Variants in KDM4A observed in about 807,000 individuals in gnomAD.
KDM4A encodes lysine demethylase 4A, also known as lysine-specific demethylase 4A.
In KDM4A, 23 loss-of-function variants were observed where a neutral mutation model predicts 127.1. The observed-to-expected ratio is 0.18, with a 90% CI of 0.13 to 0.26. The LOEUF (loss-of-function observed/expected upper bound fraction) is 0.26, where lower values mean the gene tolerates loss of function less well. Among genes scored for constraint, KDM4A ranks in the 10% least tolerant of loss-of-function variants. The pLI, the probability that KDM4A is intolerant of heterozygous loss-of-function variation, is 1.00. For synonymous variants in KDM4A, 443 were observed against 466.5 expected (o/e 0.95, Z 0.65); for missense variants, 890 against 1,329.1 (o/e 0.67, Z 5.14).
rs770912180 is a variant in KDM4A, at chr1:43,666,967, C to T, written c.791C>T (p.Ala264Val). The change falls in exon 8 of 22, where the codon GCT becomes GTT. Residue 264 changes from alanine (A) to valine (V), a missense_variant. By Grantham distance (64) the Ala-to-Val change is moderately conservative (BLOSUM62 0). Coordinates refer to ENST00000372396, the MANE Select transcript of KDM4A (RefSeq NM_014663.3). The stretch of plus-strand genomic sequence containing the variant: ...GCTCTTGTTCAGGTGACTCAAGAGG[C>T]TGGAGAGTTTATGATCACTTTCCCT... Reference protein sequence around the residue: ...GIPFDKVTQEAGEFMITFPYG... With the variant: ...GIPFDKVTQEVGEFMITFPYG... 1.5e-5 allele frequency: 25 copies of T among 1,613,890 alleles called. No homozygotes were observed. Among genetic ancestry groups the T allele is most frequent in the Non-Finnish European group, 2.0e-5 (24 of 1,179,930 alleles).
chr1:43,666,379 G>C, intron 6 of KDM4A, 73 bp from the exon 7 acceptor site: 1 of 1,170,516 alleles, frequency 8.5e-7, no homozygotes, highest in Non-Finnish European at 1.3e-6. Flanking sequence ...GAGAAGCACA[G>C]GTGTGAAGTG....
chr1:43,674,857 T>G (rs368732896), intron 11 of KDM4A, among the ~76,000 whole-genome samples: 10 of 152,102 alleles, frequency 6.6e-5, no homozygotes, highest in African/African-American at 2.2e-4. Context: ...GCAAAGCATT[T>G]CCATGGAAGC....
chr1:43,670,704 C>T (rs1282283931), intron 10 of KDM4A, among the ~76,000 whole-genome samples: 2 of 152,012 alleles, frequency 1.3e-5, no homozygotes, highest in Non-Finnish European at 2.9e-5. Context: ...GCTGGGACTA[C>T]AGATGCTTGC....
intron 11 of KDM4A, among the ~76,000 whole-genome samples, chr1:43,676,659 AT>A (rs1356684606): frequency 1.3e-5 from 2 of 151,958 alleles, no homozygotes; most frequent in East Asian, 3.9e-4. Context: ...ATCTTTCCAT[AT>A]TTGCTTTGTT....
At position 43,705,406 on chromosome 1, in the gene KDM4A, A is replaced by AT. The variant is rs933870439; in HGVS notation, c.*1037dup. 1 of 152,564 alleles carries AT rather than the reference A, an allele frequency of 6.6e-6. No homozygotes were observed. The highest frequency in any genetic ancestry group is 2.4e-5 in the African/African-American group (1 of 41,420). The allele number at this position is 152,564 out of a possible 1,614,324, so 9.5% of individuals were successfully genotyped here. On this transcript the variant is annotated 3_prime_UTR_variant, in exon 22 of 22. Transcript: ENST00000372396. ...ACACCAATACCCTGTGTATACAAGA[A>AT]TCAGATTTATAATACTTCCCCTTTT...
At position 43,669,260 on chromosome 1, in the gene KDM4A, A is replaced by G. The variant is rs945114706; in HGVS notation, c.1324A>G (p.Ser442Gly). The part of the protein sequence containing the change: ...AALAPVRPTH[S>G]SVRQVEDGLT... ...CCTCGCCCCTGTGAGGCCCACCCATAGCTCTGTGCGGCAAGTTGAGGATGG... is the reference window on the plus strand; with the variant it reads ...CCTCGCCCCTGTGAGGCCCACCCATGGCTCTGTGCGGCAAGTTGAGGATGG... Residue 442 changes from serine to glycine, a missense_variant, in exon 10 of 22, where the codon AGC (serine) becomes GGC (glycine). Transcript: ENST00000372396. The G allele has an allele frequency of 2.5e-6, 4 of 1,614,230 alleles. No individual in the cohort carries two copies. The Admixed American group carries it at 6.7e-5, about 27-fold the overall frequency.
chr1:43,661,832 AT>A (rs1375358587), intron 4 of KDM4A, among the ~76,000 whole-genome samples: 1 of 151,982 alleles, frequency 6.6e-6, no homozygotes, highest in Non-Finnish European at 1.5e-5. Flanking sequence ...GATATTCCAC[AT>A]TTTTTATGAA....
At chr1:43,667,689 G>A in intron 8 of KDM4A, 83 bp from the exon 9 acceptor site, 1 of 1,565,434 alleles carries the variant, frequency 6.4e-7, no homozygotes, top group Non-Finnish European at 8.7e-7. Context: ...TTGTTTCCAT[G>A]TGGAGGGAGG....
rs989675346 is a variant in KDM4A at position 43,683,119 on chromosome 1, A to G, written c.1735-565A>G. 5.3e-5 allele frequency among the ~76,000 whole-genome samples: 8 copies of G among 152,374 alleles called. No individual in the cohort carries two copies. The South Asian group carries it at 1.4e-3, about 28-fold the overall frequency. On this transcript the variant is annotated intron_variant, in intron 11 of 21. Coordinates refer to ENST00000372396, the MANE Select transcript of KDM4A (RefSeq NM_014663.3). ...GGCTGATGTTCTCCCCTGGAGAAGC[A>G]GCAGCTAACTGAGGAATGAACAGTA...
rs377660618 is a variant in KDM4A at position 43,694,134 on chromosome 1, G to A, written c.2484+32G>A. The stretch of plus-strand genomic sequence containing the variant: ...GCTTGTAGACTCTACATAATTTCCC[G>A]ACTTACAAGTTTCTGGGTAGAAGAG... On this transcript the variant is annotated intron_variant, in intron 17 of 21. Transcript: ENST00000372396. This position sits in a 1 kb window ranked among gnomAD's most constrained non-coding sequence, Gnocchi z 5.2. 7.1e-6 allele frequency: 11 copies of A among 1,558,398 alleles called. No individual in the cohort carries two copies. The highest frequency in any genetic ancestry group is 5.1e-5 in the Admixed American group (3 of 58,384).
intron 2 of KDM4A, among the ~76,000 whole-genome samples, chr1:43,655,186 TA>T (rs1557901945): frequency 6.6e-6 from 1 of 152,206 alleles, no homozygotes; most frequent in Non-Finnish European, 1.5e-5. Context: ...TGCTTCTTTG[TA>T]ATTAAACTGT....
At chr1:43,699,398 C>T (rs544067071) in intron 19 of KDM4A, among the ~76,000 whole-genome samples, 2 of 152,268 alleles carry the variant, frequency 1.3e-5, no homozygotes, top group East Asian at 3.9e-4. Context: ...CATACCTGGC[C>T]CTTGCTGTAA....
chr1:43,665,340 T>C (rs569179300), intron 5 of KDM4A, among the ~76,000 whole-genome samples: 1 of 152,342 alleles, frequency 6.6e-6, no homozygotes, highest in Non-Finnish European at 1.5e-5. Flanking sequence ...CATTTTTAAA[T>C]ACTGAGGTTA....
intron 19 of KDM4A, 105 bp from the exon 20 acceptor site, chr1:43,703,512 T>C: frequency 1.4e-6 from 2 of 1,446,660 alleles, no homozygotes; most frequent in Non-Finnish European, 1.9e-6. Flanking sequence ...CCTTGCTCTC[T>C]AAAACAGTTA....
chr1:43,664,302 C>G lies in KDM4A; in HGVS notation c.623+1215C>G, dbSNP rs117956958. On this transcript the variant is annotated intron_variant, in intron 5 of 21. Coordinates refer to ENST00000372396, the MANE Select transcript of KDM4A (RefSeq NM_014663.3). The stretch of plus-strand genomic sequence containing the variant: ...CACATGAGGGCCAGGCGTGGTGGCT[C>G]ACACCTGTAATCCCAGCACTTTGGG... 2.2e-4 allele frequency among the ~76,000 whole-genome samples: 33 copies of G among 152,094 alleles called. No homozygotes were observed. In the East Asian group the frequency reaches 5.6e-3, roughly 26 times the overall value.
Position 43,692,241 on chromosome 1 carries a change from C to A in KDM4A, c.2320-15C>A, listed in dbSNP as rs1295987996. 1 of 1,613,890 alleles carries A rather than the reference C, an allele frequency of 6.2e-7. No homozygotes were observed. Among genetic ancestry groups the A allele is most frequent in the East Asian group, 2.2e-5 (1 of 44,882 alleles). ...TGGTATTAACCACTTTTTCCTCCCT[C>A]TCCTTTCTTGGCAGGACTGCTGTTT... is the stretch of plus-strand genomic sequence containing the variant. On this transcript the variant is annotated splice_polypyrimidine_tract_variant and intron_variant, in intron 15 of 21. Transcript: ENST00000372396.
At position 43,679,889 on chromosome 1, in the gene KDM4A, T is replaced by G. The variant is rs186094930; in HGVS notation, c.1735-3795T>G. Among the ~76,000 whole-genome samples, 323 of 152,208 alleles carry G rather than the reference T, an allele frequency of 2.1e-3. 1 individual carries two copies. Among genetic ancestry groups the G allele is most frequent in the Non-Finnish European group, 2.8e-3 (191 of 67,992 alleles). On this transcript the variant is annotated intron_variant, in intron 11 of 21. Transcript: ENST00000372396. ...ACTCAGGAGCCTTGAGTTCCAGCTT[T>G]CTTCAGGCAGGGCCCTGGGAGTCTG...
Position 43,703,580 on chromosome 1 carries a change from A to G in KDM4A, c.2842-37A>G, listed in dbSNP as rs773975236. 1.6e-5 allele frequency: 25 copies of G among 1,611,332 alleles called. No individual in the cohort carries two copies. The East Asian group carries it at 5.6e-4, about 36-fold the overall frequency. On this transcript the variant is annotated intron_variant, in intron 19 of 21. Transcript: ENST00000372396. ...GACAGTTACCTTTGTGTGCAGGTGGACGTTCCTTTCACCCTCCTTCCTTCC... is the reference window on the plus strand; with the variant it reads ...GACAGTTACCTTTGTGTGCAGGTGGGCGTTCCTTTCACCCTCCTTCCTTCC...
chr1:43,690,580 G>T, intron 13 of KDM4A: 1 of 520,114 alleles, frequency 1.9e-6, no homozygotes, highest in East Asian at 3.4e-5. Flanking sequence ...CTTTCTTTGG[G>T]AAGATTGAAA....
Sources: gnomAD v4.1 joint callset for allele counts (sites outside exome capture counted in the v4.1 genomes callset) on GRCh38, gnomAD v4.1.1 for gene constraint, Gnocchi (gnomAD v3.1) non-coding constraint, MANE v1.5 for transcripts, NCBI Gene and HGNC (gene_info 2026-07-23, HGNC 2026-07-21) for gene names.